The following SNTG1 variants were observed in gnomAD, a reference collection of about 807,000 sequenced individuals.
SNTG1 encodes the protein gamma-1-syntrophin.
SNTG1 carries 39 observed loss-of-function variants against 74.7 expected under a neutral mutation model. The observed-to-expected ratio is 0.52, with a 90% CI of 0.40 to 0.68. The LOEUF is 0.68. SNTG1 is among the 30% of genes least tolerant of loss of function. The pLI, the probability that SNTG1 is intolerant of heterozygous loss-of-function variation, is 0.00. For synonymous variants in SNTG1, 254 were observed against 217.1 expected (o/e 1.17, Z -1.49); for missense variants, 685 against 609.5 (o/e 1.12, Z -1.30).
intron 1 of SNTG1, among the ~76,000 whole-genome samples, chr8:50,026,831 A>G (rs570684413): frequency 6.6e-6 from 1 of 152,268 alleles, no homozygotes; most frequent in South Asian, 2.1e-4. Flanking sequence ...TAAAACCTAT[A>G]TTTTTTCACT....
intron 2 of SNTG1, among the ~76,000 whole-genome samples, chr8:50,318,391 C>G (rs1361858790): frequency 6.6e-6 from 1 of 152,182 alleles, no homozygotes; most frequent in Non-Finnish European, 1.5e-5. Flanking sequence ...CTGACATGCT[C>G]CTCGTGGCCT....
In SNTG1 at chr8:50,636,171, CT is replaced by C. The variant is rs559405833; in HGVS notation, c.850-20735del. 6.0e-5 allele frequency among the ~76,000 whole-genome samples: 9 copies of C among 151,100 alleles called. No homozygotes were observed. The South Asian group carries it at 1.9e-3, about 32-fold the overall frequency. ...TATCCAAGTTGCAAGACAAAGTCCT[CT>C]TTACTCTCCCCTCTCCTCTCCTCAA... is the stretch of plus-strand genomic sequence containing the variant. On this transcript the variant is annotated intron_variant, in intron 13 of 18. Coordinates refer to ENST00000642720, the MANE Select transcript of SNTG1 (RefSeq NM_018967.5).
intron 4 of SNTG1, among the ~76,000 whole-genome samples, chr8:50,436,077 C>G (rs541671012): frequency 6.6e-6 from 1 of 152,106 alleles, no homozygotes; most frequent in Non-Finnish European, 1.5e-5. Flanking sequence ...CTAGGCAAAA[C>G]GCTCTACAAA....
At chr8:50,010,784 TC>T (rs1440558611) in intron 1 of SNTG1, among the ~76,000 whole-genome samples, 10 of 140,020 alleles carry the variant, frequency 7.1e-5, no homozygotes, top group Middle Eastern at 3.6e-3. Context: ...CACAGGCCTC[TC>T]TTTTTTTTTT....
intron 18 of SNTG1, among the ~76,000 whole-genome samples, chr8:50,791,951 T>G (rs1363636548): frequency 6.6e-6 from 1 of 151,822 alleles, no homozygotes; most frequent in African/African-American, 2.4e-5. Context: ...TTGAAATAAC[T>G]TTTTCTGTTT....
intron 1 of SNTG1, among the ~76,000 whole-genome samples, chr8:50,053,117 T>C (rs923990734): frequency 2.6e-5 from 4 of 152,074 alleles, no homozygotes; most frequent in Non-Finnish European, 2.9e-5. Flanking sequence ...TTAACAGAAA[T>C]GCTTTTACAA....
intron 1 of SNTG1, among the ~76,000 whole-genome samples, chr8:49,976,981 A>T (rs1812252033): frequency 6.6e-6 from 1 of 152,196 alleles, no homozygotes; most frequent in Non-Finnish European, 1.5e-5. Flanking sequence ...GACAATTTGC[A>T]GCAGGAAGTG....
intron 1 of SNTG1, among the ~76,000 whole-genome samples, chr8:50,107,418 G>T (rs58489421): frequency 6.6e-6 from 1 of 152,008 alleles, no homozygotes; most frequent in Admixed American, 6.6e-5. Context: ...ATAAAGTAAG[G>T]TGTCTTTAAA....
chr8:50,713,325 C>T lies in SNTG1; in HGVS notation c.1284+4347C>T, dbSNP rs189009939. ...CTTTTGAGAAGTGTCTGTTCATATC[C>T]TTCATCCACTTTTTGATGGGGTTGT... On this transcript the variant is annotated intron_variant, in intron 17 of 18. Transcript: ENST00000642720. 9.1e-4 allele frequency among the ~76,000 whole-genome samples: 138 copies of T among 152,238 alleles called. 2 individuals are homozygous for T. The highest frequency in any genetic ancestry group is 6.8e-3 in the Middle Eastern group (2 of 294).
At chr8:50,274,777 C>A (rs1317966131) in intron 2 of SNTG1, among the ~76,000 whole-genome samples, 1 of 152,156 alleles carries the variant, frequency 6.6e-6, no homozygotes, top group Admixed American at 6.6e-5. Context: ...GTGTTATTTT[C>A]TCAACCAAAT....
At chr8:50,400,346 C>A (rs1355058678) in intron 3 of SNTG1, among the ~76,000 whole-genome samples, 1 of 152,130 alleles carries the variant, frequency 6.6e-6, no homozygotes, top group Non-Finnish European at 1.5e-5. Context: ...TAATTTTATT[C>A]CTTTTTTATG....
intron 2 of SNTG1, among the ~76,000 whole-genome samples, chr8:50,241,256 T>C (rs956667550): frequency 6.6e-6 from 1 of 152,214 alleles, no homozygotes; most frequent in African/African-American, 2.4e-5. Flanking sequence ...TACTGATTTA[T>C]GTGAACCTAC....
intron 9 of SNTG1, among the ~76,000 whole-genome samples, chr8:50,523,839 G>A (rs2094199384): frequency 6.6e-6 from 1 of 152,138 alleles, no homozygotes; most frequent in African/African-American, 2.4e-5. Context: ...CCTTCAATTT[G>A]TAAAAAATCT....
chr8:50,583,410 A>G (rs1019439958), intron 12 of SNTG1, among the ~76,000 whole-genome samples: 6 of 151,664 alleles, frequency 4.0e-5, no homozygotes, highest in East Asian at 1.9e-4. Flanking sequence ...AAAAAAAAAA[A>G]AAAAGAAAGA....
chr8:49,995,182 G>A (rs2130368581), intron 1 of SNTG1, among the ~76,000 whole-genome samples: 1 of 152,274 alleles, frequency 6.6e-6, no homozygotes, highest in Admixed American at 6.5e-5. Context: ...GAACTCTGGT[G>A]AAGAGTTCAA....
chr8:50,101,532 TGGG>T (rs975624207), intron 1 of SNTG1, among the ~76,000 whole-genome samples: 3 of 152,008 alleles, frequency 2.0e-5, no homozygotes, highest in Non-Finnish European at 2.9e-5. Context: ...TGATTAGTGA[TGGG>T]GAGTATATTT....
chr8:49,935,060 C>A (rs1807933664), intron 1 of SNTG1, among the ~76,000 whole-genome samples: 1 of 151,946 alleles, frequency 6.6e-6, no homozygotes, highest in African/African-American at 2.4e-5. Context: ...TTGAAGAAGG[C>A]AGAAAAGGTG....
intron 13 of SNTG1, among the ~76,000 whole-genome samples, chr8:50,604,477 G>A (rs139657305): frequency 6.6e-6 from 1 of 152,016 alleles, no homozygotes; most frequent in African/African-American, 2.4e-5. Context: ...ATTCTGCATG[G>A]CTAAGATGGA....
At chr8:50,108,445 T>G (rs1394435291) in intron 1 of SNTG1, among the ~76,000 whole-genome samples, 1 of 152,156 alleles carries the variant, frequency 6.6e-6, no homozygotes, top group Non-Finnish European at 1.5e-5. Context: ...GGATTGAATT[T>G]GATGTTGTGT....
Sources: gnomAD v4.1 joint callset for allele counts (sites outside exome capture counted in the v4.1 genomes callset) on GRCh38, gnomAD v4.1.1 for gene constraint, MANE v1.5 for transcripts, NCBI Gene and HGNC (gene_info 2026-07-23, HGNC 2026-07-21) for gene names.